PDE7B: variants seen among roughly 807,000 people sequenced by gnomAD.
PDE7B encodes 3',5'-cyclic-AMP phosphodiesterase 7B.
Under a neutral mutation model 56.2 loss-of-function variants are expected in PDE7B, and 29 were observed. That is an observed-to-expected ratio of 0.52 (90% CI 0.38 to 0.70). The LOEUF (loss-of-function observed/expected upper bound fraction) is 0.70. Ranked by LOEUF, PDE7B falls within the 30% of genes least tolerant of loss-of-function variation. PDE7B has a pLI of 0.00. For synonymous variants in PDE7B, 197 were observed against 196.9 expected, an observed-to-expected ratio of 1.00 and a Z score of 0.00; for missense variants, 490 against 565.0, an observed-to-expected ratio of 0.87 and a Z score of 1.35.
rs919886001 is a variant in PDE7B, at chr6:135,864,679, G to T, written c.21+12660G>T. Among the ~76,000 whole-genome samples the T allele has an allele frequency of 4.0e-5, 6 of 151,706 alleles. No homozygotes were observed. The South Asian group carries it at 1.3e-3, about 32-fold the overall frequency. On this transcript the variant is annotated intron_variant, in intron 1 of 12. Coordinates refer to ENST00000308191, the MANE Select transcript of PDE7B (RefSeq NM_018945.4). Reference sequence around the variant, plus strand: ...TTTTCTCTGCATTTATCCCAATTAGGGCTTGTATGGTTTCTTAAATGTGTG... The same window carrying T: ...TTTTCTCTGCATTTATCCCAATTAGTGCTTGTATGGTTTCTTAAATGTGTG...
chr6:136,158,081 G>GA (rs1164980168), intron 8 of PDE7B, among the ~76,000 whole-genome samples: 14 of 152,162 alleles, frequency 9.2e-5, no homozygotes, highest in Admixed American at 4.6e-4. Context: ...AGTATCAAAG[G>GA]AAAAAATCAC....
At chr6:135,853,060 G>T (rs1774966321) in intron 1 of PDE7B, among the ~76,000 whole-genome samples, 1 of 152,150 alleles carries the variant, frequency 6.6e-6, no homozygotes, top group Non-Finnish European at 1.5e-5. Context: ...TTTTGTAACA[G>T]CAATTTAAGT....
intron 10 of PDE7B, among the ~76,000 whole-genome samples, chr6:136,179,433 G>C (rs1779028360): frequency 6.6e-6 from 1 of 152,210 alleles, no homozygotes; most frequent in Admixed American, 6.5e-5. Context: ...CCGATGGTAT[G>C]AGTTAGAGCA....
chr6:135,932,465 T>TA (rs143700427), intron 1 of PDE7B, among the ~76,000 whole-genome samples: 119 of 151,586 alleles, frequency 7.9e-4, no homozygotes, highest in African/African-American at 2.7e-3. Context: ...AAAATAAGTT[T>TA]AAAAAAAAAT....
chr6:136,094,736 A>T (rs573461322), intron 2 of PDE7B: 1 of 152,302 alleles, frequency 6.6e-6, no homozygotes, highest in South Asian at 2.1e-4. Flanking sequence ...GGCACGTTTT[A>T]TCTGTTTTGT....
intron 1 of PDE7B, among the ~76,000 whole-genome samples, chr6:135,940,514 G>A (rs1367290921): frequency 2.0e-5 from 3 of 152,196 alleles, no homozygotes; most frequent in Non-Finnish European, 4.4e-5. Context: ...AGACATTAAT[G>A]GAGATCCAAA....
chr6:136,146,110 C>T (rs2128446603), intron 3 of PDE7B, among the ~76,000 whole-genome samples: 1 of 152,278 alleles, frequency 6.6e-6, no homozygotes, highest in Non-Finnish European at 1.5e-5. Context: ...TCAGGGAGCA[C>T]CCATTGTTTC....
intron 2 of PDE7B, 49 bp from the exon 3 acceptor site, chr6:136,108,682 T>C (rs752414650): frequency 1.7e-6 from 2 of 1,179,866 alleles, no homozygotes; most frequent in East Asian, 2.3e-5. Flanking sequence ...GAAAAGTGAA[T>C]GCACGTGGCA....
intron 12 of PDE7B, among the ~76,000 whole-genome samples, chr6:136,190,102 C>T (rs1779198635): frequency 6.6e-6 from 1 of 152,098 alleles, no homozygotes; most frequent in Non-Finnish European, 1.5e-5. Flanking sequence ...TGCAAAGCGT[C>T]TTTTTAGATA....
intron 3 of PDE7B, among the ~76,000 whole-genome samples, chr6:136,145,254 A>G (rs1778394666): frequency 6.6e-6 from 1 of 152,126 alleles, no homozygotes; most frequent in South Asian, 2.1e-4. Context: ...AATGGTTTAC[A>G]ATCCATTCTT....
At chr6:136,149,907 C>A (rs528988519) in intron 5 of PDE7B, among the ~76,000 whole-genome samples, 3 of 152,078 alleles carry the variant, frequency 2.0e-5, no homozygotes, top group Non-Finnish European at 4.4e-5. Context: ...AGCCTAAGAC[C>A]ACGAAATGGA....
intron 2 of PDE7B, among the ~76,000 whole-genome samples, chr6:135,969,982 A>G (rs939402246): frequency 3.9e-5 from 6 of 152,188 alleles, no homozygotes; most frequent in African/African-American, 1.4e-4. Context: ...GTGTTTTACT[A>G]GAGAAAATAG....
intron 2 of PDE7B, among the ~76,000 whole-genome samples, chr6:135,959,916 G>A (rs1341086390): frequency 6.6e-6 from 1 of 152,098 alleles, no homozygotes; most frequent in Non-Finnish European, 1.5e-5. Flanking sequence ...TGGGACTACA[G>A]GTGTGCACCA....
intron 10 of PDE7B, among the ~76,000 whole-genome samples, chr6:136,181,018 A>G (rs1241151184): frequency 3.3e-5 from 5 of 152,132 alleles, no homozygotes; most frequent in Non-Finnish European, 7.4e-5. Flanking sequence ...TTCTCTCCTC[A>G]CTGCTATAAA....
At chr6:135,859,764 GAGTTGGAGAATAC>G (rs1775110606) in intron 1 of PDE7B, among the ~76,000 whole-genome samples, 1 of 151,888 alleles carries the variant, frequency 6.6e-6, no homozygotes, top group Non-Finnish European at 1.5e-5. Context: ...TCAAAACATT[GAGTTGGAGAATAC>G]AGCCTATTTA....
chr6:135,928,521 A>ATATATTTATATATATATATATTTATT (rs1231321179), intron 1 of PDE7B, among the ~76,000 whole-genome samples: 2 of 134,234 alleles, frequency 1.5e-5, no homozygotes, highest in East Asian at 4.2e-4. Flanking sequence ...ATATTTATTT[A>ATATATTTATATATATATATATTTATT]TATATATACA....
intron 2 of PDE7B, among the ~76,000 whole-genome samples, chr6:135,955,135 A>G (rs1774766751): frequency 6.6e-6 from 1 of 152,128 alleles, no homozygotes; most frequent in South Asian, 2.1e-4. Context: ...CACTTCATAG[A>G]TACACATTGT....
At chr6:136,004,822 A>C (rs1193780185) in intron 2 of PDE7B, among the ~76,000 whole-genome samples, 2 of 152,220 alleles carry the variant, frequency 1.3e-5, no homozygotes, top group South Asian at 4.1e-4. Context: ...CAAGCTACCA[A>C]TGACTTTCTT....
At chr6:136,154,753 C>T (rs1459721048) in intron 7 of PDE7B, among the ~76,000 whole-genome samples, 1 of 152,244 alleles carries the variant, frequency 6.6e-6, no homozygotes, top group African/African-American at 2.4e-5. Context: ...CAATACTCAA[C>T]ATTCAGGCAG....
Sources: allele counts gnomAD v4.1 joint callset (sites outside exome capture counted in the v4.1 genomes callset), GRCh38; gene constraint gnomAD v4.1.1; transcripts MANE v1.5; gene names NCBI Gene and HGNC (gene_info 2026-07-23, HGNC 2026-07-21).